UPF3B: variants seen among roughly 807,000 people sequenced by gnomAD.
UPF3B encodes the protein regulator of nonsense transcripts 3B.
In UPF3B, 7 loss-of-function variants were observed where a neutral mutation model predicts 40.3. That is an observed-to-expected ratio of 0.17 (90% CI 0.10 to 0.33). UPF3B has a LOEUF of 0.33. Among genes scored for constraint, UPF3B ranks in the 10% least tolerant of loss-of-function variants. The probability of loss-of-function intolerance (pLI) is 1.00; values close to 1 mark genes in which losing one functional copy is unlikely to be tolerated. For synonymous variants in UPF3B, 117 were observed against 117.3 expected, an observed-to-expected ratio of 1.00 and a Z score of 0.01; for missense variants, 229 against 358.9, an observed-to-expected ratio of 0.64 and a Z score of 2.93.
chrX:119,805,724 A>G (rs1360401020), intron 6 of UPF3B, among the ~76,000 whole-genome samples: 3 of 109,667 alleles, frequency 2.7e-5, no homozygotes, highest in Non-Finnish European at 5.7e-5. Context: ...CAAAAAACAC[A>G]TGAAAAAATG....
At chrX:119,814,002 A>G (rs377110897) in intron 5 of UPF3B, among the ~76,000 whole-genome samples, 16 of 112,052 alleles carry the variant, frequency 1.4e-4, no homozygotes, top group Non-Finnish European at 3.0e-4. Flanking sequence ...GCAGAAACTA[A>G]TATCATTCAT....
In UPF3B at chrX:119,823,556, CTCTTTT is replaced by C. The variant is rs1371070200; in HGVS notation, c.393-519_393-514del. On this transcript the variant is annotated intron_variant, in intron 3 of 6. Coordinates refer to the UPF3B transcript ENST00000636792. ...CTGGCCCATTTCTTTTCTTTTTTTC[CTCTTTT>C]TTTTTTTTTTTTTTTGTCTGAGACA... is the stretch of plus-strand genomic sequence containing the variant. Among the ~76,000 whole-genome samples the C allele has an allele frequency of 9.5e-5, 4 of 42,088 alleles. No homozygotes were observed. In the African/African-American group the frequency reaches 1.5e-3, roughly 16 times the overall value. 36.5% of individuals were successfully genotyped at this position (42,088 alleles called of 115,157 possible).
chrX:119,822,439 T>C (rs1239069984), intron 4 of UPF3B, among the ~76,000 whole-genome samples: 1 of 113,047 alleles, frequency 8.8e-6, no homozygotes, highest in African/African-American at 3.2e-5. Flanking sequence ...TCACTTGACA[T>C]TTCCCCTGCA....
At position 119,838,395 on chromosome X, in the gene UPF3B, T is replaced by C; in HGVS notation, c.979A>G (p.Ser327Gly). 8.3e-7 allele frequency: 1 copy of C among 1,212,066 alleles called. No homozygotes were observed. The highest frequency in any genetic ancestry group is 1.1e-6 in the Non-Finnish European group (1 of 895,579). The change falls in exon 9 of 11, where the codon AGC becomes GGC. Residue 327 changes from serine to glycine, a missense_variant. Physicochemically the swap from Ser to Gly is moderately conservative, Grantham distance 56 (BLOSUM62 0). This residue lies in a region of UPF3B where 119 missense variants were observed against 153.8 expected (regional missense o/e 0.77). Coordinates refer to ENST00000276201, the MANE Select transcript of UPF3B (RefSeq NM_080632.3). ...QSCTLPKRSD[S>G]ELKDEKPKRP... is the part of the protein sequence containing the mutation. ...TTTGGTTTTTCATCTTTAAGTTCGC[T>C]ATCAGAACGCTTGGGCAATGTACAA... is the stretch of plus-strand genomic sequence containing the variant.
chrX:119,829,258 G>T (rs1431338501), downstream of UPF3B, among the ~76,000 whole-genome samples: 2 of 111,848 alleles, frequency 1.8e-5, no homozygotes, highest in Non-Finnish European at 3.8e-5. Flanking sequence ...CTGACCTCGT[G>T]ATCTGCCCGC....
intron 5 of UPF3B, among the ~76,000 whole-genome samples, chrX:119,812,152 C>T (rs2055831958): frequency 9.1e-6 from 1 of 110,401 alleles, no homozygotes; most frequent in Admixed American, 9.7e-5. Flanking sequence ...ACTTGGGAGG[C>T]AGAGGAAGGA....
intron 4 of UPF3B, among the ~76,000 whole-genome samples, chrX:119,819,341 C>T (rs1443983124): frequency 4.5e-5 from 5 of 111,050 alleles, no homozygotes; most frequent in African/African-American, 1.3e-4. Flanking sequence ...CATGAGCCAC[C>T]GTGCCCGGCC....
intron 3 of UPF3B, among the ~76,000 whole-genome samples, chrX:119,849,484 A>G (rs905798761): frequency 1.1e-5 from 1 of 89,705 alleles, no homozygotes; most frequent in Non-Finnish European, 2.2e-5. Context: ...CAGAGTTAAG[A>G]CTCTGTCTCA....
intron 10 of UPF3B, among the ~76,000 whole-genome samples, chrX:119,835,915 T>C (rs965569188): frequency 2.7e-5 from 3 of 111,485 alleles, no homozygotes; most frequent in African/African-American, 9.8e-5. Flanking sequence ...AGGTCGAGGC[T>C]ACAGTGAGCT....
chrX:119,846,505 TAAA>T (rs780880120), intron 3 of UPF3B, among the ~76,000 whole-genome samples: 2,118 of 58,062 alleles, frequency 0.036, 48 homozygotes, highest in African/African-American at 0.11. Context: ...TCGAGCCTGG[TAAA>T]AAAAAAAAAA....
At chrX:119,810,016 G>A (rs1603364994) in intron 5 of UPF3B, among the ~76,000 whole-genome samples, 1 of 112,100 alleles carries the variant, frequency 8.9e-6, no homozygotes, top group Non-Finnish European at 1.9e-5. Context: ...ACAAGACGAT[G>A]CTGAAGATGA....
chrX:119,835,519 G>T (rs1322941994), intron 10 of UPF3B, among the ~76,000 whole-genome samples: 1 of 112,004 alleles, frequency 8.9e-6, no homozygotes, highest in Non-Finnish European at 1.9e-5. Flanking sequence ...ACAGGCATGA[G>T]CCATCATGCC....
intron 3 of UPF3B, among the ~76,000 whole-genome samples, chrX:119,846,505 T>TAAAAAAAAAAAA (rs780880120): frequency 5.2e-5 from 3 of 58,073 alleles, no homozygotes; most frequent in African/African-American, 1.1e-4. Flanking sequence ...TCGAGCCTGG[T>TAAAAAAAAAAAA]AAAAAAAAAA....
At position 119,818,850 on chromosome X, in the gene UPF3B, T is replaced by C. The variant is rs1035878148; in HGVS notation, c.495-3543A>G. On this transcript the variant is annotated intron_variant, in intron 4 of 6. Coordinates refer to the UPF3B transcript ENST00000636792. ...GATCATGAAGCATCTATTGGGAAAG[T>C]GTAACGGGAGGTGATACGTGGCTTT... 1.3e-4 allele frequency among the ~76,000 whole-genome samples: 14 copies of C among 110,825 alleles called. No individual in the cohort carries two copies. The Admixed American group carries it at 1.4e-3, about 11-fold the overall frequency.
At chrX:119,829,820 A>T (rs1007661550), downstream of UPF3B, among the ~76,000 whole-genome samples, 1 of 111,407 alleles carries the variant, frequency 9.0e-6, no homozygotes, top group Non-Finnish European at 1.9e-5. Context: ...CCATACATCC[A>T]TTTCCCACCT....
intron 5 of UPF3B, among the ~76,000 whole-genome samples, chrX:119,812,360 AACTAAG>A (rs1381775576): frequency 8.9e-6 from 1 of 111,872 alleles, no homozygotes; most frequent in Non-Finnish European, 1.9e-5. Flanking sequence ...CTCAGAGTAG[AACTAAG>A]GGTCCAGAAA....
At chrX:119,837,004 C>T (rs1251979213) in intron 10 of UPF3B, among the ~76,000 whole-genome samples, 17 of 106,711 alleles carry the variant, frequency 1.6e-4, no homozygotes, top group African/African-American at 5.1e-4. Context: ...AATACAATGG[C>T]GTGATCTCGG....
chrX:119,830,247 T>A (rs2056022309), downstream of UPF3B, among the ~76,000 whole-genome samples: 1 of 111,148 alleles, frequency 9.0e-6, no homozygotes, highest in South Asian at 3.8e-4. Context: ...TGGATATTTG[T>A]CCCCACCCAA....
intron 3 of UPF3B, among the ~76,000 whole-genome samples, chrX:119,850,819 A>G (rs5910684): frequency 0.049 from 5,502 of 111,747 alleles, 120 homozygotes; most frequent in East Asian, 0.15. Flanking sequence ...GCTCACTGCA[A>G]CCTCTGCCTC....
Sources: allele counts gnomAD v4.1 joint callset (sites outside exome capture counted in the v4.1 genomes callset), GRCh38; gene constraint gnomAD v4.1.1; regional missense constraint gnomAD v4.1.1; transcripts MANE v1.5; gene names NCBI Gene and HGNC (gene_info 2026-07-23, HGNC 2026-07-21).